The following PAH variants were observed in gnomAD, a reference collection of about 807,000 sequenced individuals.
PAH encodes phenylalanine hydroxylase.
A neutral mutation model predicts 62.0 loss-of-function variants in PAH; 64 were observed. That is an observed-to-expected ratio of 1.03 (90% CI 0.84 to 1.27). PAH has a LOEUF of 1.27. PAH is among the 50% of genes most tolerant of loss of function. PAH has a pLI of 0.00. For missense variants in PAH, 579 were observed against 542.8 expected, an observed-to-expected ratio of 1.07 and a Z score of -0.66; for synonymous variants, 195 against 196.2, an observed-to-expected ratio of 0.99 and a Z score of 0.05.
At chr12:102,878,167 T>C (rs1280003338) in intron 3 of PAH, among the ~76,000 whole-genome samples, 1 of 152,168 alleles carries the variant, frequency 6.6e-6, no homozygotes, top group African/African-American at 2.4e-5. Flanking sequence ...ATATAAATTA[T>C]ATAAAACCAG....
At chr12:102,844,721 T>C (rs543356994) in intron 9 of PAH, among the ~76,000 whole-genome samples, 2 of 152,242 alleles carry the variant, frequency 1.3e-5, no homozygotes, top group South Asian at 4.2e-4. Context: ...GGACACCCTG[T>C]TTCTCCTACC....
rs1592985481 is a variant in PAH at position 102,906,652 on chromosome 12, A to C, written c.168+6139T>G. Among the ~76,000 whole-genome samples the C allele has an allele frequency of 2.0e-5, 3 of 151,312 alleles. No homozygotes were observed. The East Asian group carries it at 5.8e-4, about 29-fold the overall frequency. ...TTCTGAGGGCACATTAAGTGATTTA[A>C]TCTTTAGATCACATGCATTAAGTGA... On this transcript the variant is annotated intron_variant, in intron 2 of 12. Coordinates refer to ENST00000553106, the MANE Select transcript of PAH (RefSeq NM_000277.3).
At chr12:102,857,048 C>G (rs1230042996) in intron 5 of PAH, among the ~76,000 whole-genome samples, 1 of 152,138 alleles carries the variant, frequency 6.6e-6, no homozygotes, top group Non-Finnish European at 1.5e-5. Context: ...GGAGGAAGTT[C>G]GAACCCATTG....
chr12:102,944,604 ATTGT>A (rs1458349174), intron 1 of PAH, among the ~76,000 whole-genome samples: 2 of 152,170 alleles, frequency 1.3e-5, no homozygotes, highest in African/African-American at 4.8e-5. Context: ...ATTCTTTTTA[ATTGT>A]TTTAAATTTT....
At chr12:102,867,933 A>G (rs1330569971) in intron 4 of PAH, among the ~76,000 whole-genome samples, 1 of 143,726 alleles carries the variant, frequency 7.0e-6, no homozygotes, top group African/African-American at 2.5e-5. Context: ...ATATAGATGT[A>G]TATATACATG....
At chr12:102,841,785 G>A (rs1192766485) in intron 11 of PAH, among the ~76,000 whole-genome samples, 3 of 152,144 alleles carry the variant, frequency 2.0e-5, no homozygotes, top group Non-Finnish European at 2.9e-5. Context: ...TGCTTTGGGT[G>A]ATTTACCCCT....
chr12:102,851,495 C>T, intron 8 of PAH, among the ~76,000 whole-genome samples, 192 bp downstream of exon 8: 1 of 152,170 alleles, frequency 6.6e-6, no homozygotes, highest in Non-Finnish European at 1.5e-5. Flanking sequence ...GAGTGATTCA[C>T]CAACCCCATG....
rs886048891 is a variant in PAH, at chr12:102,917,203, G to C, written c.-73C>G. On this transcript the variant is annotated 5_prime_UTR_variant, in exon 1 of 13. Transcript: ENST00000553106. ...CAGGCAGGTTTGCAAACAGCACGTG[G>C]GGCTGAAGGTTTTAACCTCGCACTA... The C allele has an allele frequency of 3.7e-6, 5 of 1,341,028 alleles. No individual in the cohort carries two copies. Among genetic ancestry groups the C allele is most frequent in the South Asian group, 2.4e-5 (2 of 85,090 alleles). The allele number at this position is 1,341,028 out of a possible 1,614,324, so 83.1% of individuals were successfully genotyped here. A position where few individuals can be genotyped will look rare whatever the true frequency, so the allele number is the denominator to read the frequency against.
chr12:102,906,532 G>A (rs1877983528), intron 2 of PAH, among the ~76,000 whole-genome samples: 1 of 152,166 alleles, frequency 6.6e-6, no homozygotes, highest in Non-Finnish European at 1.5e-5. Flanking sequence ...TAAAAGTTAT[G>A]AACCTGATCT....
upstream of PAH, among the ~76,000 whole-genome samples, chr12:102,954,083 CAG>C (rs1419005534): frequency 6.6e-6 from 1 of 152,214 alleles, no homozygotes; most frequent in Admixed American, 6.5e-5. Context: ...AGGACTTGCT[CAG>C]AATCAGGCCC....
chr12:102,944,189 C>A (rs1047487375), intron 1 of PAH, among the ~76,000 whole-genome samples: 3 of 152,124 alleles, frequency 2.0e-5, no homozygotes, highest in Non-Finnish European at 2.9e-5. Flanking sequence ...CTGCTTTTAG[C>A]CTCCTTCCTT....
intron 1 of PAH, among the ~76,000 whole-genome samples, chr12:102,938,310 C>T (rs575092114): frequency 1.1e-4 from 17 of 152,314 alleles, no homozygotes; most frequent in Admixed American, 4.6e-4. Flanking sequence ...CTCCCCACAA[C>T]GCCCCACTCC....
chr12:102,857,848 T>A (rs948962645), intron 5 of PAH, among the ~76,000 whole-genome samples: 1 of 152,092 alleles, frequency 6.6e-6, no homozygotes, highest in African/African-American at 2.4e-5. Context: ...AAGGAACAAC[T>A]GGTACCAGCC....
At chr12:102,848,469 GGGT>G (rs1565844618) in intron 8 of PAH, among the ~76,000 whole-genome samples, 11 of 139,006 alleles carry the variant, frequency 7.9e-5, no homozygotes, top group African/African-American at 3.0e-4. Flanking sequence ...GAGAGGTGGA[GGGT>G]AGACAGGACA....
At chr12:102,953,588 C>T (rs192316884), upstream of PAH, 5 of 152,340 alleles carry the variant, frequency 3.3e-5, no homozygotes, top group Admixed American at 2.6e-4. Context: ...GGAAAGCCAT[C>T]TCCCCCTACA....
Position 102,868,176 on chromosome 12 carries a change from GTATATATA to G in PAH, c.442-1521_442-1514del, listed in dbSNP as rs201396594. 7.9e-3 allele frequency among the ~76,000 whole-genome samples: 19 copies of G among 2,390 alleles called. 5 individuals carry two copies. Among genetic ancestry groups the G allele is most frequent in the South Asian group, 0.048 (3 of 62 alleles). The allele number at this position is 2,390 out of a possible 152,430, so 1.6% of individuals were successfully genotyped here. A position where few individuals can be genotyped will look rare whatever the true frequency, so the allele number is the denominator to read the frequency against. ...TATACACATATATATACATATATGT[GTATATATA>G]TATATATATATATATATATATCAGG... On this transcript the variant is annotated intron_variant, in intron 4 of 12. Coordinates refer to ENST00000553106, the MANE Select transcript of PAH (RefSeq NM_000277.3).
intron 4 of PAH, among the ~76,000 whole-genome samples, chr12:102,872,506 C>T (rs1040940574): frequency 5.9e-5 from 9 of 152,146 alleles, no homozygotes; most frequent in African/African-American, 2.2e-4. Context: ...CTGACTGACT[C>T]TTAGAAGGAA....
intron 2 of PAH, among the ~76,000 whole-genome samples, chr12:102,905,051 G>T (rs1013175550): frequency 1.4e-4 from 21 of 152,238 alleles, no homozygotes; most frequent in Admixed American, 1.3e-3. Context: ...TCCTGATGGG[G>T]TAAAATAAAA....
At chr12:102,861,720 C>T (rs1396803693) in intron 5 of PAH, among the ~76,000 whole-genome samples, 1 of 152,098 alleles carries the variant, frequency 6.6e-6, no homozygotes, top group East Asian at 1.9e-4. Flanking sequence ...TCTCAGCAAA[C>T]TATCGCAGGG....
Sources: allele counts gnomAD v4.1 joint callset (sites outside exome capture counted in the v4.1 genomes callset), GRCh38; gene constraint gnomAD v4.1.1; transcripts MANE v1.5; gene names NCBI Gene and HGNC (gene_info 2026-07-23, HGNC 2026-07-21).